PAK2: variants seen among roughly 807,000 people sequenced by gnomAD.
The protein encoded by PAK2 is serine/threonine-protein kinase PAK 2.
A neutral mutation model predicts 65.9 loss-of-function variants in PAK2; 21 were observed. The observed-to-expected ratio is 0.32, with a 90% CI of 0.23 to 0.46. The LOEUF (loss-of-function observed/expected upper bound fraction) is 0.46. PAK2 is among the 20% of genes least tolerant of loss of function. PAK2 has a pLI of 1.00. For missense variants in PAK2, 324 were observed against 642.6 expected, an observed-to-expected ratio of 0.50 and a Z score of 5.36; for synonymous variants, 204 against 219.7, an observed-to-expected ratio of 0.93 and a Z score of 0.63.
intron 1 of PAK2, among the ~76,000 whole-genome samples, chr3:196,762,542 C>G (rs916029082): frequency 1.3e-5 from 2 of 150,826 alleles, no homozygotes; most frequent in Admixed American, 1.3e-4. Flanking sequence ...CAAAACCAGT[C>G]AGGCGTGGCG....
chr3:196,812,696 G>C (rs1179136163), intron 9 of PAK2, 43 bp from the exon 10 acceptor site: 1 of 879,894 alleles, frequency 1.1e-6, no homozygotes, highest in Non-Finnish European at 1.9e-6. Context: ...TTTTCTAAGA[G>C]AATTCCTAAA....
chr3:196,743,660 C>T (rs761108719), intron 1 of PAK2, among the ~76,000 whole-genome samples: 5 of 152,098 alleles, frequency 3.3e-5, no homozygotes, highest in Non-Finnish European at 5.9e-5. Context: ...CCAGCCTGGC[C>T]AACATGGTGA....
intron 1 of PAK2, among the ~76,000 whole-genome samples, chr3:196,744,129 A>G (rs1713294644): frequency 6.6e-6 from 1 of 152,172 alleles, no homozygotes; most frequent in African/African-American, 2.4e-5. Context: ...CTGTAGTCCT[A>G]GCTACTTGGG....
intron 2 of PAK2, among the ~76,000 whole-genome samples, chr3:196,796,139 G>A (rs76005116): frequency 2.0e-5 from 3 of 152,280 alleles, no homozygotes; most frequent in African/African-American, 4.8e-5. Context: ...CCGTGCAGCC[G>A]GTTCCTAACA....
At chr3:196,807,481 C>T (rs1037866502) in intron 6 of PAK2, among the ~76,000 whole-genome samples, 3 of 152,116 alleles carry the variant, frequency 2.0e-5, no homozygotes, top group Admixed American at 6.6e-5. Flanking sequence ...ATTTTTAAAC[C>T]GTGCTTTTTG....
At chr3:196,759,407 T>A (rs1713871164) in intron 1 of PAK2, among the ~76,000 whole-genome samples, 1 of 152,032 alleles carries the variant, frequency 6.6e-6, no homozygotes, top group Non-Finnish European at 1.5e-5. Flanking sequence ...GTTTCTTTCT[T>A]TTCCTTAAAA....
At chr3:196,761,685 C>T (rs1227845768) in intron 1 of PAK2, among the ~76,000 whole-genome samples, 12 of 141,388 alleles carry the variant, frequency 8.5e-5, no homozygotes, top group Non-Finnish European at 1.4e-4. Flanking sequence ...ACCTCCCAGA[C>T]GGGGTGGTGG....
At chr3:196,767,147 G>A (rs1714195836) in intron 1 of PAK2, among the ~76,000 whole-genome samples, 1 of 152,044 alleles carries the variant, frequency 6.6e-6, no homozygotes, top group Non-Finnish European at 1.5e-5. Context: ...AGAATGTTCT[G>A]TAGTTAGTTG....
chr3:196,819,478 A>T (rs781031102), intron 12 of PAK2, among the ~76,000 whole-genome samples: 1 of 152,184 alleles, frequency 6.6e-6, no homozygotes, highest in Non-Finnish European at 1.5e-5. Flanking sequence ...AAATAGGCAG[A>T]TGTACTAATA....
chr3:196,764,671 C>T (rs1714097222), intron 1 of PAK2, among the ~76,000 whole-genome samples: 1 of 151,398 alleles, frequency 6.6e-6, no homozygotes, highest in South Asian at 2.1e-4. Flanking sequence ...AAGCTAATAC[C>T]CAATTTCTAA....
chr3:196,759,612 T>C (rs1350818003), intron 1 of PAK2, among the ~76,000 whole-genome samples: 4 of 144,996 alleles, frequency 2.8e-5, no homozygotes, highest in Admixed American at 2.1e-4. Context: ...CTGCAACCTC[T>C]GCCTCCCAGG....
At chr3:196,823,144 C>T (rs891672087) in intron 13 of PAK2, among the ~76,000 whole-genome samples, 2 of 152,108 alleles carry the variant, frequency 1.3e-5, no homozygotes, top group Non-Finnish European at 2.9e-5. Context: ...GAAGACCAGT[C>T]AAGAGGCTGA....
chr3:196,828,474 T>C lies in PAK2; in HGVS notation c.*69T>C, dbSNP rs1392724736. Reference sequence around the variant, plus strand: ...GAAGCCTTTTAGTATATGAAAATTATTACTCTTTTTGGGGTTTAAAGAAAT... The same window carrying C: ...GAAGCCTTTTAGTATATGAAAATTACTACTCTTTTTGGGGTTTAAAGAAAT... On this transcript the variant is annotated 3_prime_UTR_variant, in exon 15 of 15. Transcript: ENST00000327134. 5.0e-5 allele frequency: 46 copies of C among 925,390 alleles called. 1 individual carries two copies. In the Admixed American group the frequency reaches 9.0e-4, roughly 18 times the overall value. The allele number at this position is 925,390 out of a possible 1,614,324, so 57.3% of individuals were successfully genotyped here.
intron 14 of PAK2, among the ~76,000 whole-genome samples, chr3:196,827,895 G>A (rs1278982083): frequency 5.9e-4 from 66 of 112,594 alleles, no homozygotes; most frequent in African/African-American, 2.1e-3. Context: ...TTTGTGCATC[G>A]TATCAATCCT....
chr3:196,741,253 A>G (rs1713182238), intron 1 of PAK2, among the ~76,000 whole-genome samples: 1 of 152,184 alleles, frequency 6.6e-6, no homozygotes, highest in Admixed American at 6.5e-5. Context: ...ATTGAAATGT[A>G]CAAGAATTTG....
At chr3:196,811,452 G>C (rs1236327784) in intron 8 of PAK2, among the ~76,000 whole-genome samples, 4 of 106,280 alleles carry the variant, frequency 3.8e-5, no homozygotes, top group Non-Finnish European at 6.9e-5. Flanking sequence ...CATAATCTCA[G>C]CTCACTGCAA....
At chr3:196,747,198 A>G (rs1463887673) in intron 1 of PAK2, 3 of 150,432 alleles carry the variant, frequency 2.0e-5, no homozygotes, top group Non-Finnish European at 3.0e-5. Flanking sequence ...TAACAATGTT[A>G]ACATTAAGTT....
chr3:196,822,294 A>C (rs917489878), intron 13 of PAK2, among the ~76,000 whole-genome samples: 2 of 152,230 alleles, frequency 1.3e-5, no homozygotes, highest in Non-Finnish European at 2.9e-5. Context: ...TAGTGGGAAA[A>C]GAGAAAAACA....
chr3:196,792,031 G>C (rs912958757), intron 2 of PAK2, among the ~76,000 whole-genome samples: 31 of 152,342 alleles, frequency 2.0e-4, no homozygotes, highest in African/African-American at 7.0e-4. Flanking sequence ...TGCTCAGGTG[G>C]CTGCCCCTGC....
Sources: allele counts gnomAD v4.1 joint callset (sites outside exome capture counted in the v4.1 genomes callset), GRCh38; gene constraint gnomAD v4.1.1; transcripts MANE v1.5; gene names NCBI Gene and HGNC (gene_info 2026-07-23, HGNC 2026-07-21).